Variants in SGCD observed in about 807,000 individuals in gnomAD.
SGCD encodes delta-sarcoglycan.
Under a neutral mutation model 36.6 loss-of-function variants are expected in SGCD, and 18 were observed. That is an observed-to-expected ratio of 0.49 (90% CI 0.34 to 0.73). The LOEUF is 0.73. SGCD is among the 30% of genes least tolerant of loss of function. SGCD has a pLI of 0.01. For synonymous variants in SGCD, 133 were observed against 130.6 expected (o/e 1.02, Z -0.12); for missense variants, 387 against 346.7 (o/e 1.12, Z -0.92).
chr5:156,571,497 G>A (rs959574499), intron 4 of SGCD, among the ~76,000 whole-genome samples: 22 of 151,984 alleles, frequency 1.4e-4, no homozygotes, highest in Non-Finnish European at 2.9e-4. Flanking sequence ...TAACTGTCCA[G>A]TAACCTCTAT....
At chr5:156,262,777 AC>A (rs1765900198) in intron 3 of SGCD, among the ~76,000 whole-genome samples, 1 of 152,108 alleles carries the variant, frequency 6.6e-6, no homozygotes, top group African/African-American at 2.4e-5. Context: ...ACGAGTGAGA[AC>A]ATACAGTGTT....
rs141783022 is a variant in SGCD, at chr5:155,938,795, G to A, written c.-282+68371G>A. Among the ~76,000 whole-genome samples the A allele has an allele frequency of 2.4e-3, 361 of 152,276 alleles. 1 individual carries two copies. Among genetic ancestry groups the A allele is most frequent in the African/African-American group, 7.6e-3 (314 of 41,540 alleles). On this transcript the variant is annotated intron_variant, in intron 1 of 9. Transcript: ENST00000517913. ...CATTTAATCCTACCAGTATACCTGC[G>A]AAGTAGACATTATTAACCCCATTTC...
chr5:156,086,907 G>T (rs1443021969), intron 1 of SGCD, among the ~76,000 whole-genome samples: 1 of 152,166 alleles, frequency 6.6e-6, no homozygotes, highest in Non-Finnish European at 1.5e-5. Context: ...ATGCATTCTG[G>T]CTACTTCCTG....
intron 6 of SGCD, among the ~76,000 whole-genome samples, chr5:156,597,710 G>T (rs1459149188): frequency 3.3e-5 from 5 of 152,054 alleles, no homozygotes; most frequent in Non-Finnish European, 5.9e-5. Flanking sequence ...GTCCTCTGGG[G>T]ACTGCTTATA....
intron 3 of SGCD, among the ~76,000 whole-genome samples, chr5:156,483,737 C>T (rs1225726490): frequency 6.6e-6 from 1 of 152,182 alleles, no homozygotes; most frequent in African/African-American, 2.4e-5. Context: ...AAATAAGAGC[C>T]AAATACTACT....
intron 3 of SGCD, among the ~76,000 whole-genome samples, chr5:156,371,965 T>C (rs148762384): frequency 6.6e-6 from 1 of 152,338 alleles, no homozygotes; most frequent in African/African-American, 2.4e-5. Flanking sequence ...TGACCGATAT[T>C]CCATGTCTCC....
the SGCD span, among the ~76,000 whole-genome samples, chr5:155,825,242 G>A: frequency 2.6e-5 from 4 of 152,214 alleles, no homozygotes; most frequent in East Asian, 1.9e-4. Flanking sequence ...AAAGAAAAGC[G>A]GACTTCCTCT....
At chr5:155,933,222 G>T (rs950789972) in intron 1 of SGCD, among the ~76,000 whole-genome samples, 5 of 152,106 alleles carry the variant, frequency 3.3e-5, no homozygotes, top group African/African-American at 1.2e-4. Flanking sequence ...CTGCCCCAGG[G>T]ATGATAATCC....
At chr5:156,307,178 A>T (rs1356327339) in intron 3 of SGCD, among the ~76,000 whole-genome samples, 6 of 151,800 alleles carry the variant, frequency 4.0e-5, no homozygotes, top group Admixed American at 3.9e-4. Flanking sequence ...AGTAGCTGGG[A>T]CTATAAGTGT....
Position 156,759,354 on chromosome 5 carries a change from G to C in SGCD, c.837G>C (p.Gly279=). ...GRLFLSQAGA[G]STCQINTSVC... is the part of the protein sequence containing the mutation. ...TATTCCTGTCTCAGGCAGGAGCTGG[G>C]TCCACTTGTCAGATAAACACAAGTG... Residue 279 remains glycine (G), a synonymous_variant, in exon 9 of 9, where the codon GGG becomes GGC. Transcript: ENST00000337851. 2 of 1,611,840 alleles carry C rather than the reference G, an allele frequency of 1.2e-6. No individual in the cohort carries two copies. Among genetic ancestry groups the C allele is most frequent in the Non-Finnish European group, 1.7e-6 (2 of 1,178,260 alleles).
chr5:155,889,625 T>C (rs915792155), intron 1 of SGCD, among the ~76,000 whole-genome samples: 4 of 152,208 alleles, frequency 2.6e-5, no homozygotes, highest in Non-Finnish European at 5.9e-5. Context: ...AAAGAGTGAA[T>C]CAAGTTGTAG....
chr5:156,314,792 G>A (rs969589429), intron 3 of SGCD, among the ~76,000 whole-genome samples: 2 of 152,014 alleles, frequency 1.3e-5, no homozygotes, highest in South Asian at 4.1e-4. Context: ...GAAGGGACCT[G>A]TCAGCTATTT....
chr5:156,510,801 A>G (rs1327375287), intron 4 of SGCD, among the ~76,000 whole-genome samples: 2 of 152,206 alleles, frequency 1.3e-5, no homozygotes, highest in African/African-American at 4.8e-5. Flanking sequence ...AGAACAGTTG[A>G]TATGTGTTGA....
chr5:155,867,924 C>T (rs1755553141), upstream of SGCD, among the ~76,000 whole-genome samples: 1 of 152,152 alleles, frequency 6.6e-6, no homozygotes, highest in African/African-American at 2.4e-5. Context: ...TCCTGGATCC[C>T]CAGTCTCTCT....
chr5:155,984,790 T>C (rs1758296569), intron 1 of SGCD, among the ~76,000 whole-genome samples: 2 of 152,218 alleles, frequency 1.3e-5, no homozygotes, highest in Admixed American at 1.3e-4. Flanking sequence ...ACCTCTGATA[T>C]AGACCCTCTT....
chr5:156,712,662 TC>T (rs1755042905), intron 7 of SGCD, among the ~76,000 whole-genome samples: 2 of 152,144 alleles, frequency 1.3e-5, no homozygotes, highest in Non-Finnish European at 2.9e-5. Context: ...TGACTCCATC[TC>T]CTCTTTTTGC....
chr5:156,091,274 C>A (rs991933774), intron 1 of SGCD, among the ~76,000 whole-genome samples: 1 of 152,180 alleles, frequency 6.6e-6, no homozygotes, highest in East Asian at 1.9e-4. Flanking sequence ...ATGAAATCTT[C>A]ACAATTTATG....
At chr5:156,352,220 A>T (rs749333358) in intron 3 of SGCD, among the ~76,000 whole-genome samples, 5 of 152,208 alleles carry the variant, frequency 3.3e-5, no homozygotes, top group Non-Finnish European at 5.9e-5. Flanking sequence ...AAGGCTTAGG[A>T]GTCATCAGTG....
intron 3 of SGCD, among the ~76,000 whole-genome samples, chr5:156,393,590 C>T (rs1432157220): frequency 6.6e-6 from 1 of 152,146 alleles, no homozygotes; most frequent in Non-Finnish European, 1.5e-5. Context: ...CTTCTCTGCT[C>T]CATGTAGAGT....
Sources: gnomAD v4.1 joint callset for allele counts (sites outside exome capture counted in the v4.1 genomes callset) on GRCh38, gnomAD v4.1.1 for gene constraint, MANE v1.5 for transcripts, NCBI Gene and HGNC (gene_info 2026-07-23, HGNC 2026-07-21) for gene names.